Variants in GRM5 observed in about 807,000 individuals in gnomAD.
The protein encoded by GRM5 is glutamate metabotropic receptor 5.
A neutral mutation model predicts 83.1 loss-of-function variants in GRM5; 19 were observed. The ratio of observed to expected loss-of-function variants is 0.23; its 90% CI spans 0.16 to 0.34. The LOEUF (loss-of-function observed/expected upper bound fraction) is 0.34, where lower values mean the gene tolerates loss of function less well. GRM5 is among the 10% of genes least tolerant of loss of function. GRM5 has a pLI of 1.00. For missense variants in GRM5, 1,160 were observed against 1,588.3 expected (o/e 0.73, Z 4.58); for synonymous variants, 675 against 633.6 (o/e 1.07, Z -0.98).
chr11:89,009,782 T>C (rs1484035510), intron 2 of GRM5, among the ~76,000 whole-genome samples: 3 of 149,880 alleles, frequency 2.0e-5, no homozygotes, highest in African/African-American at 7.3e-5. Context: ...GCGCCTGTAG[T>C]CCCAGCTACT....
At chr11:88,981,147 C>G (rs192624076) in intron 2 of GRM5, among the ~76,000 whole-genome samples, 2 of 152,312 alleles carry the variant, frequency 1.3e-5, no homozygotes, top group East Asian at 3.9e-4. Context: ...CTCATTTCAT[C>G]AATGCTTTCT....
At chr11:88,960,992 C>T (rs1938766139) in intron 2 of GRM5, among the ~76,000 whole-genome samples, 2 of 152,138 alleles carry the variant, frequency 1.3e-5, no homozygotes, top group Admixed American at 1.3e-4. Context: ...CTGAAGAACA[C>T]ATAGCTAATA....
chr11:88,685,953 A>T (rs1396583006), intron 3 of GRM5, among the ~76,000 whole-genome samples: 1 of 152,208 alleles, frequency 6.6e-6, no homozygotes, highest in African/African-American at 2.4e-5. Context: ...TTGGGGTTGG[A>T]GCCCCCACAC....
chr11:88,839,873 T>C (rs1157947512), intron 3 of GRM5, among the ~76,000 whole-genome samples: 1 of 152,070 alleles, frequency 6.6e-6, no homozygotes, highest in African/African-American at 2.4e-5. Context: ...TATACTGTAT[T>C]CTTATAATAA....
At chr11:88,578,307 A>T (rs1329119276) in intron 7 of GRM5, among the ~76,000 whole-genome samples, 1 of 152,116 alleles carries the variant, frequency 6.6e-6, no homozygotes, top group Non-Finnish European at 1.5e-5. Context: ...TTTTCCAAGT[A>T]GGTTAGATAA....
chr11:88,788,212 T>G (rs1404546803), intron 3 of GRM5, among the ~76,000 whole-genome samples: 1 of 152,160 alleles, frequency 6.6e-6, no homozygotes, highest in East Asian at 1.9e-4. Flanking sequence ...TCAAAAATAT[T>G]TTACTTCATT....
intron 2 of GRM5, among the ~76,000 whole-genome samples, chr11:88,955,936 T>C (rs1938597196): frequency 6.6e-6 from 1 of 152,234 alleles, no homozygotes; most frequent in African/African-American, 2.4e-5. Flanking sequence ...TTTGAATCTC[T>C]TTAAAGTTCC....
intron 3 of GRM5, among the ~76,000 whole-genome samples, chr11:88,746,760 T>C (rs571922849): frequency 6.6e-6 from 1 of 152,178 alleles, no homozygotes; most frequent in African/African-American, 2.4e-5. Context: ...TATTCACACA[T>C]CAAAGATGGT....
intron 4 of GRM5, among the ~76,000 whole-genome samples, chr11:88,613,815 T>C (rs971298414): frequency 7.2e-5 from 11 of 152,194 alleles, no homozygotes. Context: ...TAAGTTGCAC[T>C]TTGAACTCTG....
chr11:88,688,662 A>G (rs562135671), intron 3 of GRM5, among the ~76,000 whole-genome samples: 1 of 152,318 alleles, frequency 6.6e-6, no homozygotes, highest in South Asian at 2.1e-4. Context: ...TCCAAAGGAA[A>G]CAAAATCATC....
chr11:88,860,204 T>G (rs893362349), intron 2 of GRM5, among the ~76,000 whole-genome samples: 7 of 151,996 alleles, frequency 4.6e-5, no homozygotes, highest in African/African-American at 9.7e-5. Flanking sequence ...AATATTGGAG[T>G]CTTCCTCATT....
rs1941238166 is a variant in GRM5, at chr11:88,508,414, C to T, written c.*178G>A. The T allele has an allele frequency of 6.1e-6, 3 of 494,378 alleles. No individual in the cohort carries two copies. Among genetic ancestry groups the T allele is most frequent in the South Asian group, 6.8e-5 (2 of 29,618 alleles). The allele number at this position is 494,378 out of a possible 1,614,324, so 30.6% of individuals were successfully genotyped here. On this transcript the variant is annotated 3_prime_UTR_variant, in exon 10 of 10. Coordinates refer to ENST00000305447, the MANE Select transcript of GRM5 (RefSeq NM_001143831.3). This position sits in a 1 kb window ranked among gnomAD's most constrained non-coding sequence, Gnocchi z 4.2. ...GAAGAAAATCTGCCAAAAGATTTGT[C>T]GTCGGTTTCTTCGTCGGTTGTCATG...
chr11:89,052,442 A>C (rs568111407), intron 1 of GRM5, among the ~76,000 whole-genome samples: 1 of 152,254 alleles, frequency 6.6e-6, no homozygotes, highest in African/African-American at 2.4e-5. Flanking sequence ...TGTTTTAGGT[A>C]CTTTATTTTT....
intron 2 of GRM5, among the ~76,000 whole-genome samples, chr11:88,860,105 A>C (rs941353989): frequency 7.9e-5 from 12 of 152,176 alleles, no homozygotes; most frequent in Non-Finnish European, 1.5e-4. Flanking sequence ...TTTGGTGTTA[A>C]ATTTTTTGGA....
At chr11:88,774,777 G>A (rs1430303001) in intron 3 of GRM5, among the ~76,000 whole-genome samples, 1 of 152,198 alleles carries the variant, frequency 6.6e-6, no homozygotes, top group Non-Finnish European at 1.5e-5. Flanking sequence ...AAGCAGCCTT[G>A]CATCTCAGGG....
chr11:88,788,378 C>T (rs964258003), intron 3 of GRM5, among the ~76,000 whole-genome samples: 7 of 151,668 alleles, frequency 4.6e-5, no homozygotes, highest in East Asian at 3.9e-4. Context: ...TGGAAAACAG[C>T]GGGAATAAAG....
Position 88,590,633 on chromosome 11 carries a change from T to A in GRM5, c.1658A>T (p.Gln553Leu). ...VFDEYTCKACQLGSWPTDDLT... is the reference protein window; with the variant it reads ...VFDEYTCKACLLGSWPTDDLT... ...ATCATCAGTGGGCCAAGACCCCAGT[T>A]GGCATGCCTTGCATGTGTACTCATC... The change falls in exon 7 of 10, where the codon CAA becomes CTA. Residue 553 changes from glutamine to leucine, a missense_variant. By Grantham distance (113) the Gln-to-Leu change is moderately radical (BLOSUM62 -2). Transcript: ENST00000305447. The A allele has an allele frequency of 6.2e-7, 1 of 1,610,284 alleles. No homozygotes were observed. The highest frequency in any genetic ancestry group is 8.5e-7 in the Non-Finnish European group (1 of 1,176,520).
chr11:88,919,884 TG>T (rs1455461878), intron 2 of GRM5, among the ~76,000 whole-genome samples: 1 of 151,972 alleles, frequency 6.6e-6, no homozygotes, highest in East Asian at 1.9e-4. Context: ...CCAAAATCTA[TG>T]GGATACAGAG....
chr11:88,706,267 A>T (rs6483387), intron 3 of GRM5, among the ~76,000 whole-genome samples: 3 of 152,046 alleles, frequency 2.0e-5, no homozygotes, highest in Admixed American at 1.3e-4. Flanking sequence ...TACCATTCCC[A>T]GAAGCAGTCC....
Sources: gnomAD v4.1 joint callset for allele counts (sites outside exome capture counted in the v4.1 genomes callset) on GRCh38, gnomAD v4.1.1 for gene constraint, Gnocchi (gnomAD v3.1) non-coding constraint, MANE v1.5 for transcripts, NCBI Gene and HGNC (gene_info 2026-07-23, HGNC 2026-07-21) for gene names.